The following SYTL5 variants were observed in gnomAD, a reference collection of about 807,000 sequenced individuals.
SYTL5 encodes synaptotagmin-like protein 5.
SYTL5 carries 34 observed loss-of-function variants against 55.9 expected under a neutral mutation model. The ratio of observed to expected loss-of-function variants is 0.61; its 90% CI spans 0.46 to 0.81. The LOEUF (loss-of-function observed/expected upper bound fraction) is 0.81. Among genes scored for constraint, SYTL5 ranks in the 30% least tolerant of loss-of-function variants. SYTL5 has a pLI of 0.00. For synonymous variants in SYTL5, 221 were observed against 188.7 expected (o/e 1.17, Z -1.40); for missense variants, 637 against 546.7 (o/e 1.17, Z -1.65).
chrX:38,090,716 G>A (rs1213624512), intron 7 of SYTL5, among the ~76,000 whole-genome samples: 1 of 112,631 alleles, frequency 8.9e-6, no homozygotes, highest in Non-Finnish European at 1.9e-5. Context: ...TCTGGGGCAA[G>A]GTGTTCCACC....
Position 38,121,073 on chromosome X carries a change from G to A in SYTL5, c.1705+607G>A, listed in dbSNP as rs147665616. ...CTTACAATTATGGCAGAAGGTGAAG[G>A]TGGAGCAGGTGTCTCACATGACAGG... On this transcript the variant is annotated intron_variant, in intron 14 of 16. Coordinates refer to ENST00000297875, the MANE Select transcript of SYTL5 (RefSeq NM_138780.3). Among the ~76,000 whole-genome samples the A allele has an allele frequency of 7.9e-3, 878 of 111,500 alleles. 9 individuals carry two copies. The highest frequency in any genetic ancestry group is 0.028 in the African/African-American group (844 of 30,642).
At chrX:37,990,872 T>C in the SYTL5 span, 2 of 1,209,116 alleles carry the variant, frequency 1.7e-6, no homozygotes, top group Non-Finnish European at 2.2e-6. Context: ...AGAACTCGTC[T>C]ACAAATAACA....
At chrX:37,943,177 T>C in the SYTL5 span, among the ~76,000 whole-genome samples, 2 of 112,355 alleles carry the variant, frequency 1.8e-5, no homozygotes, top group Non-Finnish European at 3.8e-5. Context: ...CTACATTTGT[T>C]AAAGGGAAGA....
Position 38,073,816 on chromosome X carries a change from TCAAA to T in SYTL5, c.554+123_554+126del, listed in dbSNP as rs1298580235. ...CAATGACCCAGAGGAGGTCAGAGAC[TCAAA>T]CAAAGTAACACTTTCTTATCATTCT... On this transcript the variant is annotated intron_variant, in intron 5 of 16. Coordinates refer to ENST00000297875, the MANE Select transcript of SYTL5 (RefSeq NM_138780.3). The T allele has an allele frequency of 4.9e-4, 209 of 430,385 alleles. 2 individuals carry two copies. In the South Asian group the frequency reaches 9.8e-3, roughly 20 times the overall value. The allele number at this position is 430,385 out of a possible 1,213,427, so 35.5% of individuals were successfully genotyped here.
rs946189909 is a variant in SYTL5, at chrX:38,112,361, A to G, written c.1596+1879A>G. ...CCTTACTGAAGGTGGGAAAAACTCC[A>G]AAGTGTTACATATACTACCACATCA... On this transcript the variant is annotated intron_variant, in intron 13 of 16. Transcript: ENST00000297875. Among the ~76,000 whole-genome samples the G allele has an allele frequency of 2.7e-5, 3 of 112,168 alleles. No homozygotes were observed. The Admixed American group carries it at 2.8e-4, about 11-fold the overall frequency.
At chrX:37,979,873 A>T in the SYTL5 span, among the ~76,000 whole-genome samples, 7 of 108,088 alleles carry the variant, frequency 6.5e-5, no homozygotes, top group Non-Finnish European at 1.1e-4. Context: ...CAGGTTTGTT[A>T]CATATGTATA....
chrX:37,971,061 T>G, the SYTL5 span, among the ~76,000 whole-genome samples: 1 of 112,213 alleles, frequency 8.9e-6, no homozygotes, highest in Non-Finnish European at 1.9e-5. Flanking sequence ...TGACTAGTCT[T>G]CCTTTTTTTC....
rs757612580 is a variant in SYTL5 at position 38,088,000 on chromosome X, A to G, written c.690-1446A>G. On this transcript the variant is annotated intron_variant, in intron 6 of 16. Transcript: ENST00000297875. ...TAAAAATATTAAATAATATTCTAAA[A>G]CATATTTTACAAGGATATTGGGGGA... Among the ~76,000 whole-genome samples the G allele has an allele frequency of 2.7e-5, 3 of 111,737 alleles. 1 individual carries two copies. In the South Asian group the frequency reaches 1.1e-3, roughly 42 times the overall value.
intron 10 of SYTL5, among the ~76,000 whole-genome samples, chrX:38,103,515 G>A (rs746805499): frequency 1.8e-5 from 2 of 110,144 alleles, no homozygotes; most frequent in African/African-American, 6.6e-5. Flanking sequence ...CTTTGAAAAT[G>A]TGGCTACAGA....
chrX:37,937,684 G>A, the SYTL5 span, among the ~76,000 whole-genome samples: 18 of 112,025 alleles, frequency 1.6e-4, no homozygotes, highest in African/African-American at 5.8e-4. Context: ...CTTAGTTTAT[G>A]GTAATTTGTT....
intron 2 of SYTL5, among the ~76,000 whole-genome samples, chrX:38,049,380 A>G (rs760608689): frequency 7.3e-4 from 82 of 111,707 alleles, no homozygotes; most frequent in African/African-American, 2.6e-3. Flanking sequence ...TTAAAATGGG[A>G]ACATATTCCT....
chrX:37,998,050 G>A, the SYTL5 span, among the ~76,000 whole-genome samples: 1 of 111,894 alleles, frequency 8.9e-6, no homozygotes. Context: ...CCACTCCAAG[G>A]TCTCCTCTCT....
At chrX:38,046,013 A>G (rs1935452118) in intron 2 of SYTL5, among the ~76,000 whole-genome samples, 1 of 111,770 alleles carries the variant, frequency 8.9e-6, no homozygotes, top group Non-Finnish European at 1.9e-5. Context: ...ACAGTCATGA[A>G]TAAATACGGA....
At chrX:38,116,739 T>C (rs1937498520) in intron 13 of SYTL5, among the ~76,000 whole-genome samples, 1 of 112,490 alleles carries the variant, frequency 8.9e-6, no homozygotes, top group Non-Finnish European at 1.9e-5. Context: ...CTTTAAACTA[T>C]ATAATTAAAA....
At chrX:38,055,707 G>A (rs1448099129) in intron 3 of SYTL5, among the ~76,000 whole-genome samples, 1 of 111,917 alleles carries the variant, frequency 8.9e-6, no homozygotes, top group African/African-American at 3.2e-5. Flanking sequence ...TGTTGAAGAC[G>A]CCTATATTCA....
At chrX:38,002,660 C>A (rs1933886213), upstream of SYTL5, among the ~76,000 whole-genome samples, 1 of 112,255 alleles carries the variant, frequency 8.9e-6, no homozygotes, top group African/African-American at 3.2e-5. Context: ...GCATAAATGT[C>A]TTCTTTTGAG....
chrX:37,985,351 G>A, the SYTL5 span, among the ~76,000 whole-genome samples: 1 of 111,082 alleles, frequency 9.0e-6, no homozygotes, highest in Non-Finnish European at 1.9e-5. Flanking sequence ...AAGAAAAAAT[G>A]TTAAAAACAA....
chrX:38,001,989 A>G (rs1602290532), upstream of SYTL5, among the ~76,000 whole-genome samples: 1 of 110,315 alleles, frequency 9.1e-6, no homozygotes, highest in Non-Finnish European at 1.9e-5. Context: ...AACATTAGGT[A>G]TATCTCCTAA....
At chrX:38,021,198 A>G (rs781564802) in intron 1 of SYTL5, among the ~76,000 whole-genome samples, 28 of 111,710 alleles carry the variant, frequency 2.5e-4, no homozygotes, top group Non-Finnish European at 1.5e-4. Context: ...GTTGTCACTG[A>G]TTATCTAAGG....
Sources: gnomAD v4.1 joint callset for allele counts (sites outside exome capture counted in the v4.1 genomes callset) on GRCh38, gnomAD v4.1.1 for gene constraint, MANE v1.5 for transcripts, NCBI Gene and HGNC (gene_info 2026-07-23, HGNC 2026-07-21) for gene names.